Variants in TSPAN7 observed in about 807,000 individuals in gnomAD.
TSPAN7 encodes tetraspanin-7.
Under a neutral mutation model 17.6 loss-of-function variants are expected in TSPAN7, and 1 was observed. The ratio of observed to expected loss-of-function variants is 0.06; its 90% CI spans 0.02 to 0.27. The LOEUF (loss-of-function observed/expected upper bound fraction) is 0.27. Ranked by LOEUF, TSPAN7 falls within the 10% of genes least tolerant of loss-of-function variation. The pLI is 1.00. For missense variants in TSPAN7, 112 were observed against 201.7 expected, an observed-to-expected ratio of 0.56 and a Z score of 2.69; for synonymous variants, 78 against 79.0, an observed-to-expected ratio of 0.99 and a Z score of 0.07.
chrX:38,678,334 G>C (rs1017153048), intron 5 of TSPAN7, among the ~76,000 whole-genome samples: 2 of 112,182 alleles, frequency 1.8e-5, no homozygotes, highest in African/African-American at 6.5e-5. Context: ...AGTAGTTAAA[G>C]TCGGTCACTT....
intron 1 of TSPAN7, among the ~76,000 whole-genome samples, chrX:38,580,446 T>C (rs1389941577): frequency 3.6e-5 from 4 of 112,354 alleles, no homozygotes; most frequent in Non-Finnish European, 5.6e-5. Context: ...AGAGAGAAGA[T>C]ACTTTTATTC....
intron 1 of TSPAN7, chrX:38,655,908 C>A: frequency 7.6e-6 from 2 of 262,596 alleles, no homozygotes; most frequent in Non-Finnish European, 7.4e-6. Flanking sequence ...TCCAGGAAAG[C>A]CAAATAGGTT....
chrX:38,601,419 A>G (rs68120523), intron 1 of TSPAN7, among the ~76,000 whole-genome samples: 8,008 of 111,319 alleles, frequency 0.072, 546 homozygotes, highest in African/African-American at 0.21. Flanking sequence ...TGGATCTTAA[A>G]GGCTGTTTTA....
intron 1 of TSPAN7, among the ~76,000 whole-genome samples, chrX:38,654,804 A>G (rs2069693122): frequency 8.9e-6 from 1 of 112,524 alleles, no homozygotes. Flanking sequence ...AGTAAGGTAA[A>G]TAGTATACAA....
At chrX:38,649,676 T>TGTTAATA (rs1273608972) in intron 1 of TSPAN7, among the ~76,000 whole-genome samples, 2 of 111,904 alleles carry the variant, frequency 1.8e-5, no homozygotes, top group Non-Finnish European at 3.8e-5. Context: ...AGGGTTGTGC[T>TGTTAATA]GTTAATAGGT....
chrX:38,670,606 A>G (rs1229059547), intron 2 of TSPAN7, among the ~76,000 whole-genome samples: 2 of 112,555 alleles, frequency 1.8e-5, no homozygotes, highest in Non-Finnish European at 3.8e-5. Flanking sequence ...ATGACCACCA[A>G]TCTGAAGAGG....
chrX:38,588,367 A>G (rs918549870), intron 1 of TSPAN7, among the ~76,000 whole-genome samples: 1 of 111,645 alleles, frequency 9.0e-6, no homozygotes, highest in Admixed American at 9.5e-5. Flanking sequence ...TTAATACTAT[A>G]GGCTATGGCT....
chrX:38,687,772 C>A, intron 7 of TSPAN7, 98 bp downstream of exon 7: 1 of 669,620 alleles, frequency 1.5e-6, no homozygotes, highest in Non-Finnish European at 2.2e-6. Context: ...ATTGAGCTAC[C>A]TGATCTTGGT....
intron 1 of TSPAN7, among the ~76,000 whole-genome samples, chrX:38,585,963 G>A (rs778460078): frequency 7.1e-5 from 8 of 112,694 alleles, no homozygotes; most frequent in Non-Finnish European, 1.3e-4. Context: ...AGAACCGTGA[G>A]CCAAATAAAC....
At chrX:38,634,443 A>G (rs1040164890) in intron 1 of TSPAN7, among the ~76,000 whole-genome samples, 4 of 112,369 alleles carry the variant, frequency 3.6e-5, no homozygotes, top group African/African-American at 1.3e-4. Flanking sequence ...CCTGCAGCTA[A>G]TTTAAAACTG....
chrX:38,576,426 A>G (rs1422754879), intron 1 of TSPAN7, among the ~76,000 whole-genome samples: 1 of 112,342 alleles, frequency 8.9e-6, no homozygotes, highest in African/African-American at 3.2e-5. Context: ...GTTAGTATGA[A>G]CACTGTAAAA....
chrX:38,645,389 C>T (rs1483873357), intron 1 of TSPAN7, among the ~76,000 whole-genome samples: 4 of 112,114 alleles, frequency 3.6e-5, no homozygotes. Context: ...TTTAAAACAG[C>T]TGCTATTGCT....
chrX:38,686,360 G>A (rs2069927106), intron 6 of TSPAN7, among the ~76,000 whole-genome samples: 1 of 112,216 alleles, frequency 8.9e-6, no homozygotes, highest in Non-Finnish European at 1.9e-5. Flanking sequence ...ACCAACAGTG[G>A]GACCTGAAGT....
intron 1 of TSPAN7, among the ~76,000 whole-genome samples, chrX:38,623,224 C>T (rs965880424): frequency 1.6e-4 from 18 of 111,677 alleles, no homozygotes; most frequent in East Asian, 5.6e-4. Flanking sequence ...GCAGACCCTT[C>T]GGTTTCTGAG....
chrX:38,640,223 T>C (rs779051742), intron 1 of TSPAN7, among the ~76,000 whole-genome samples: 25 of 111,845 alleles, frequency 2.2e-4, no homozygotes, highest in African/African-American at 6.8e-4. Flanking sequence ...GCCTTTCTTT[T>C]AGGGGAAGGG....
chrX:38,584,300 G>A (rs946092806), intron 1 of TSPAN7, among the ~76,000 whole-genome samples: 3 of 110,894 alleles, frequency 2.7e-5, no homozygotes, highest in Non-Finnish European at 5.7e-5. Flanking sequence ...AGTAGAAATG[G>A]AAAAGGACTG....
At chrX:38,585,385 G>A (rs1214546101) in intron 1 of TSPAN7, among the ~76,000 whole-genome samples, 1 of 111,003 alleles carries the variant, frequency 9.0e-6, no homozygotes, top group East Asian at 2.8e-4. Flanking sequence ...ATTTTTGTTT[G>A]TTGCCCATTC....
intron 1 of TSPAN7, among the ~76,000 whole-genome samples, chrX:38,605,492 A>G (rs1356853600): frequency 6.5e-5 from 7 of 107,091 alleles, no homozygotes; most frequent in Non-Finnish European, 1.2e-4. Flanking sequence ...TGCCCAAGGT[A>G]ATTTATAGAT....
intron 1 of TSPAN7, among the ~76,000 whole-genome samples, chrX:38,599,226 A>G (rs1426031007): frequency 9.0e-6 from 1 of 111,075 alleles, no homozygotes; most frequent in African/African-American, 3.3e-5. Flanking sequence ...GTTATTATCC[A>G]TGTTCTAGTC....
Sources: gnomAD v4.1 joint callset for allele counts (sites outside exome capture counted in the v4.1 genomes callset) on GRCh38, gnomAD v4.1.1 for gene constraint, MANE v1.5 for transcripts, NCBI Gene and HGNC (gene_info 2026-07-23, HGNC 2026-07-21) for gene names.